GPC6: variants seen among roughly 807,000 people sequenced by gnomAD.
GPC6 encodes the protein glypican 6.
In GPC6, 14 loss-of-function variants were observed where a neutral mutation model predicts 55.2. The observed-to-expected ratio is 0.25, with a 90% confidence interval of 0.17 to 0.40. The LOEUF (loss-of-function observed/expected upper bound fraction) is 0.40. Ranked by LOEUF, GPC6 falls within the 10% of genes least tolerant of loss-of-function variation. GPC6 has a pLI of 1.00. For synonymous variants in GPC6, 278 were observed against 259.6 expected (o/e 1.07, Z -0.68); for missense variants, 641 against 708.5 (o/e 0.90, Z 1.08).
chr13:93,845,697 A>T (rs867689641), intron 3 of GPC6, among the ~76,000 whole-genome samples: 3,054 of 148,616 alleles, frequency 0.021, 50 homozygotes, highest in East Asian at 0.056. Flanking sequence ...CATGGATGAA[A>T]TTGGAAATCA....
At chr13:94,144,977 A>T (rs1887510046) in intron 4 of GPC6, among the ~76,000 whole-genome samples, 1 of 152,180 alleles carries the variant, frequency 6.6e-6, no homozygotes, top group Non-Finnish European at 1.5e-5. Context: ...AACTTTGGAG[A>T]CCTTATTGCT....
intron 2 of GPC6, among the ~76,000 whole-genome samples, chr13:93,680,860 G>A (rs1410967872): frequency 1.3e-5 from 2 of 152,142 alleles, no homozygotes; most frequent in Admixed American, 1.3e-4. Flanking sequence ...GAAACAAAGA[G>A]CCATTGAAAG....
chr13:93,889,776 T>C (rs1414379913), intron 3 of GPC6, among the ~76,000 whole-genome samples: 1 of 152,138 alleles, frequency 6.6e-6, no homozygotes, highest in African/African-American at 2.4e-5. Context: ...AGTCTGCTTT[T>C]CTGTCTCTAC....
At chr13:93,274,939 A>G (rs9516204) in intron 1 of GPC6, among the ~76,000 whole-genome samples, 37,147 of 152,100 alleles carry the variant, frequency 0.24, 4,650 homozygotes, top group African/African-American at 0.3. Flanking sequence ...AAGACTAAGG[A>G]AAAAATGTTA....
At chr13:94,191,241 G>A (rs1181658319) in intron 4 of GPC6, among the ~76,000 whole-genome samples, 1 of 152,180 alleles carries the variant, frequency 6.6e-6, no homozygotes, top group Non-Finnish European at 1.5e-5. Context: ...CATAAGAAAT[G>A]AGTTGATACT....
chr13:93,923,949 C>G (rs1877713239), intron 3 of GPC6, among the ~76,000 whole-genome samples: 1 of 152,136 alleles, frequency 6.6e-6, no homozygotes, highest in Admixed American at 6.5e-5. Context: ...TTCAAATCCA[C>G]ATCCTTGGAT....
intron 6 of GPC6, among the ~76,000 whole-genome samples, chr13:94,371,295 T>C (rs1879530762): frequency 6.6e-6 from 1 of 152,174 alleles, no homozygotes; most frequent in African/African-American, 2.4e-5. Context: ...ATTCTAATCC[T>C]GAATCACATT....
intron 1 of GPC6, among the ~76,000 whole-genome samples, chr13:93,544,137 AG>A (rs920142977): frequency 6.7e-6 from 1 of 148,988 alleles, no homozygotes; most frequent in African/African-American, 2.4e-5. Context: ...ACACCTCAAC[AG>A]TAAAAAAAGA....
intron 3 of GPC6, among the ~76,000 whole-genome samples, chr13:93,976,327 T>G (rs1171787636): frequency 2.7e-5 from 4 of 150,280 alleles, no homozygotes; most frequent in Non-Finnish European, 5.9e-5. Context: ...GTAGACTTAT[T>G]GGTTTGTTGT....
chr13:94,032,845 A>G (rs972229783), intron 4 of GPC6, among the ~76,000 whole-genome samples: 1 of 152,222 alleles, frequency 6.6e-6, no homozygotes, highest in African/African-American at 2.4e-5. Context: ...GAAAACTGTC[A>G]TAAGAGTATC....
chr13:94,078,725 A>G (rs940656121), intron 4 of GPC6, among the ~76,000 whole-genome samples: 1 of 151,980 alleles, frequency 6.6e-6, no homozygotes. Context: ...CAGAACACCA[A>G]CAAGTAACAA....
At chr13:93,640,264 T>C (rs1879857736) in intron 2 of GPC6, among the ~76,000 whole-genome samples, 1 of 152,038 alleles carries the variant, frequency 6.6e-6, no homozygotes. Context: ...GTATACACCA[T>C]TGGAGATTAT....
chr13:93,847,911 ACTTTGGG>A (rs1888251288), intron 3 of GPC6, among the ~76,000 whole-genome samples: 2 of 152,148 alleles, frequency 1.3e-5, no homozygotes, highest in South Asian at 4.1e-4. Flanking sequence ...TGAAGAGCTG[ACTTTGGG>A]CTTATTTTAT....
intron 3 of GPC6, among the ~76,000 whole-genome samples, chr13:93,858,939 A>AATAGTAATG (rs1214375071): frequency 1.3e-5 from 2 of 151,552 alleles, no homozygotes; most frequent in Non-Finnish European, 3.0e-5. Flanking sequence ...TAATACTATT[A>AATAGTAATG]ATAGTAATGA....
At chr13:93,962,143 T>C (rs1054670797) in intron 3 of GPC6, among the ~76,000 whole-genome samples, 1 of 152,174 alleles carries the variant, frequency 6.6e-6, no homozygotes, top group South Asian at 2.1e-4. Flanking sequence ...CCTGATAAAA[T>C]GTAGTCCATT....
intron 1 of GPC6, among the ~76,000 whole-genome samples, chr13:93,344,772 C>T (rs996966939): frequency 4.6e-5 from 7 of 152,136 alleles, no homozygotes; most frequent in Non-Finnish European, 1.0e-4. Flanking sequence ...GTCGAGTGAC[C>T]AGCAGCCTCA....
intron 1 of GPC6, among the ~76,000 whole-genome samples, chr13:93,544,773 A>G (rs1004188435): frequency 1.3e-5 from 2 of 152,182 alleles, no homozygotes; most frequent in Non-Finnish European, 2.9e-5. Flanking sequence ...ACCATTAAAA[A>G]CACACTCACT....
At chr13:93,535,896 C>T (rs1043763522) in intron 1 of GPC6, among the ~76,000 whole-genome samples, 3 of 152,066 alleles carry the variant, frequency 2.0e-5, no homozygotes, top group Admixed American at 6.6e-5. Context: ...CACATTCAGA[C>T]ATTTACTGGC....
chr13:94,230,837 C>T (rs140175211), intron 4 of GPC6, among the ~76,000 whole-genome samples: 176 of 152,252 alleles, frequency 1.2e-3, no homozygotes, highest in Non-Finnish European at 2.1e-3. Context: ...TATGAGTGTA[C>T]TCTGTGCCAG....
Sources: gnomAD v4.1 joint callset for allele counts (sites outside exome capture counted in the v4.1 genomes callset) on GRCh38, gnomAD v4.1.1 for gene constraint, MANE v1.5 for transcripts, NCBI Gene and HGNC (gene_info 2026-07-23, HGNC 2026-07-21) for gene names.